Variants in CDH8 observed in about 807,000 individuals in gnomAD.
CDH8 encodes cadherin 8.
Under a neutral mutation model 68.1 loss-of-function variants are expected in CDH8, and 17 were observed. The ratio of observed to expected loss-of-function variants is 0.25; its 90% CI spans 0.17 to 0.37. The LOEUF is 0.37. Among genes scored for constraint, CDH8 ranks in the 10% least tolerant of loss-of-function variants. CDH8 has a pLI of 1.00. For synonymous variants in CDH8, 372 were observed against 365.1 expected (o/e 1.02, Z -0.21); for missense variants, 763 against 999.3 (o/e 0.76, Z 3.19).
chr16:61,904,621 G>A (rs1212860484), intron 2 of CDH8, among the ~76,000 whole-genome samples: 1 of 152,088 alleles, frequency 6.6e-6, no homozygotes, highest in Admixed American at 6.6e-5. Context: ...AAATATAAGT[G>A]TTATTTTCAA....
intron 3 of CDH8, among the ~76,000 whole-genome samples, chr16:61,899,288 T>C (rs1963926051): frequency 6.6e-6 from 1 of 152,202 alleles, no homozygotes; most frequent in Admixed American, 6.6e-5. Context: ...TTCAGCCATG[T>C]ACATAGTTTG....
intron 3 of CDH8, among the ~76,000 whole-genome samples, chr16:61,873,407 C>T (rs906127059): frequency 3.3e-5 from 5 of 152,106 alleles, no homozygotes; most frequent in Admixed American, 1.3e-4. Context: ...GCTGGTTCAA[C>T]ATAAGGATTC....
At chr16:61,882,224 T>C (rs373900553) in intron 3 of CDH8, among the ~76,000 whole-genome samples, 2 of 152,322 alleles carry the variant, frequency 1.3e-5, no homozygotes, top group African/African-American at 4.8e-5. Context: ...AAATGTGTTT[T>C]ACTCGATGGA....
At chr16:61,828,091 C>T (rs2143002625) in intron 4 of CDH8, among the ~76,000 whole-genome samples, 1 of 151,918 alleles carries the variant, frequency 6.6e-6, no homozygotes, top group East Asian at 2.0e-4. Flanking sequence ...AAAGACCTTG[C>T]TGATAAAACA....
chr16:61,748,793 C>T (rs2142942217), intron 8 of CDH8, among the ~76,000 whole-genome samples: 1 of 152,104 alleles, frequency 6.6e-6, no homozygotes, highest in East Asian at 1.9e-4. Flanking sequence ...CATTCATCCT[C>T]AATATGAAAA....
intron 10 of CDH8, among the ~76,000 whole-genome samples, chr16:61,659,147 A>G (rs1182990075): frequency 6.6e-6 from 1 of 152,214 alleles, no homozygotes; most frequent in African/African-American, 2.4e-5. Context: ...ATGATAGAAA[A>G]GGAGCTCTAC....
intron 2 of CDH8, among the ~76,000 whole-genome samples, chr16:61,953,710 A>T (rs1964931503): frequency 6.6e-6 from 1 of 151,278 alleles, no homozygotes; most frequent in Non-Finnish European, 1.5e-5. Context: ...TCTACAAAAA[A>T]ATACAAAAAC....
At chr16:62,023,991 C>T (rs1902136221) in intron 1 of CDH8, among the ~76,000 whole-genome samples, 1 of 152,070 alleles carries the variant, frequency 6.6e-6, no homozygotes, top group Non-Finnish European at 1.5e-5. Flanking sequence ...GGGCGTGCAC[C>T]ACCATGCCTG....
At chr16:61,878,903 C>T (rs186567482) in intron 3 of CDH8, among the ~76,000 whole-genome samples, 9 of 152,190 alleles carry the variant, frequency 5.9e-5, no homozygotes, top group South Asian at 2.1e-4. Flanking sequence ...TGTCTGCTGC[C>T]CCACGTGAGT....
intron 3 of CDH8, among the ~76,000 whole-genome samples, chr16:61,864,795 A>G (rs1463180934): frequency 6.6e-6 from 1 of 152,164 alleles, no homozygotes; most frequent in Non-Finnish European, 1.5e-5. Flanking sequence ...CAGGGATTCC[A>G]ATTCTTTCCA....
chr16:61,943,634 T>C (rs1371494754), intron 2 of CDH8, among the ~76,000 whole-genome samples: 1 of 152,230 alleles, frequency 6.6e-6, no homozygotes, highest in Non-Finnish European at 1.5e-5. Flanking sequence ...AGGCATTTTA[T>C]ATGTTTTTTG....
At chr16:61,849,609 C>T (rs1186357301) in intron 4 of CDH8, among the ~76,000 whole-genome samples, 1 of 152,110 alleles carries the variant, frequency 6.6e-6, no homozygotes, top group East Asian at 1.9e-4. Context: ...GGTAGAGCTA[C>T]CTCATCCTTT....
At chr16:61,765,748 C>T (rs1420846768) in intron 8 of CDH8, among the ~76,000 whole-genome samples, 3 of 151,920 alleles carry the variant, frequency 2.0e-5, no homozygotes, top group Non-Finnish European at 4.4e-5. Context: ...AGTTGCTGTT[C>T]TTTCAGAAAT....
chr16:61,733,760 G>A (rs1278036138), intron 8 of CDH8, among the ~76,000 whole-genome samples: 3 of 151,384 alleles, frequency 2.0e-5, no homozygotes, highest in Non-Finnish European at 2.9e-5. Flanking sequence ...AACAACTTTT[G>A]AGTTTGTACT....
At chr16:61,871,584 T>C (rs1223295110) in intron 3 of CDH8, among the ~76,000 whole-genome samples, 1 of 151,462 alleles carries the variant, frequency 6.6e-6, no homozygotes, top group African/African-American at 2.4e-5. Context: ...ATCTTTATAA[T>C]AATAATATTT....
At chr16:61,851,241 T>G (rs977599479) in intron 4 of CDH8, among the ~76,000 whole-genome samples, 1 of 148,198 alleles carries the variant, frequency 6.7e-6, no homozygotes, top group African/African-American at 2.4e-5. Context: ...AACCATTCAT[T>G]ACATGGATTT....
At chr16:61,768,358 CTCTCTCTCTCCCTT>C (rs1960669856) in intron 8 of CDH8, among the ~76,000 whole-genome samples, 7 of 113,604 alleles carry the variant, frequency 6.2e-5, no homozygotes, top group African/African-American at 1.4e-4. Context: ...CTCTCTCTCT[CTCTCTCTCTCCCTT>C]TCTCTCTCTC....
intron 3 of CDH8, among the ~76,000 whole-genome samples, chr16:61,860,543 A>AT (rs1252253525): frequency 1.3e-5 from 2 of 151,624 alleles, no homozygotes; most frequent in Non-Finnish European, 2.9e-5. Context: ...ATAACAATTT[A>AT]TTTTTTTGCT....
intron 2 of CDH8, among the ~76,000 whole-genome samples, chr16:61,926,429 T>A (rs1014800510): frequency 2.6e-5 from 4 of 152,184 alleles, no homozygotes; most frequent in Admixed American, 2.6e-4. Context: ...TTTCTTCCTG[T>A]CTTTGTAACA....
Sources: gnomAD v4.1 joint callset for allele counts (sites outside exome capture counted in the v4.1 genomes callset) on GRCh38, gnomAD v4.1.1 for gene constraint, MANE v1.5 for transcripts, NCBI Gene and HGNC (gene_info 2026-07-23, HGNC 2026-07-21) for gene names.